The following PTDSS2 variants were observed in gnomAD, a reference collection of about 807,000 sequenced individuals.
PTDSS2 encodes the protein phosphatidylserine synthase 2, also known as PSS-2.
A neutral mutation model predicts 64.7 loss-of-function variants in PTDSS2; 41 were observed. That is an observed-to-expected ratio of 0.63 (90% confidence interval 0.49 to 0.82). The LOEUF (loss-of-function observed/expected upper bound fraction) is 0.82. PTDSS2 is among the 40% of genes least tolerant of loss of function. The pLI, the probability that PTDSS2 is intolerant of heterozygous loss-of-function variation, is 0.00. For synonymous variants in PTDSS2, 297 were observed against 277.8 expected, an observed-to-expected ratio of 1.07 and a Z score of -0.69; for missense variants, 485 against 650.0, an observed-to-expected ratio of 0.75 and a Z score of 2.76.
In PTDSS2 at chr11:476,941, G is replaced by T. The variant is rs1017413572; in HGVS notation, c.368-2144G>T. ...ACGCGTCTTGTTAACTTGGGGGCCG[G>T]CAGGGAGCCCTCAACTCTCTGCAGT... On this transcript the variant is annotated intron_variant, in intron 3 of 11. Coordinates refer to ENST00000308020, the MANE Select transcript of PTDSS2 (RefSeq NM_030783.3). The surrounding 1 kb of genome is among the most constrained non-coding windows in gnomAD (Gnocchi z 4.9). Among the ~76,000 whole-genome samples, 7 of 152,160 alleles carry T rather than the reference G, an allele frequency of 4.6e-5. No homozygotes were observed. The highest frequency in any genetic ancestry group is 2.0e-4 in the Admixed American group (3 of 15,280).
At chr11:449,421 G>C (rs774460498), upstream of PTDSS2, among the ~76,000 whole-genome samples, 12 of 152,204 alleles carry the variant, frequency 7.9e-5, no homozygotes, top group Non-Finnish European at 1.5e-4. Context: ...CGCATGCTTC[G>C]CTCCTCTATG....
chr11:457,645 T>TA (rs1439583108), intron 1 of PTDSS2, among the ~76,000 whole-genome samples: 2 of 152,246 alleles, frequency 1.3e-5, no homozygotes, highest in African/African-American at 4.8e-5. Flanking sequence ...CCTCCACTGA[T>TA]AGAGTTTTGG....
Position 460,421 on chromosome 11 carries a change from C to G in PTDSS2, c.284+133C>G, listed in dbSNP as rs1846823456. The G allele has an allele frequency of 2.9e-6, 2 of 687,674 alleles. No individual in the cohort carries two copies. Among genetic ancestry groups the G allele is most frequent in the South Asian group, 3.5e-5 (2 of 57,926 alleles). The allele number at this position is 687,674 out of a possible 1,614,324, so 42.6% of individuals were successfully genotyped here. A position where few individuals can be genotyped will look rare whatever the true frequency, so the allele number is the denominator to read the frequency against. ...GGGCTGCGTGGGGCCGCCGGCCTCT[C>G]CCTTGAGTGTGTCTGATGTGCAGAC... On this transcript the variant is annotated intron_variant, in intron 2 of 11. Coordinates refer to ENST00000308020, the MANE Select transcript of PTDSS2 (RefSeq NM_030783.3). This position sits in a 1 kb window ranked among gnomAD's most constrained non-coding sequence, Gnocchi z 5.8.
chr11:478,259 T>C (rs972912474), intron 3 of PTDSS2, among the ~76,000 whole-genome samples: 2 of 149,768 alleles, frequency 1.3e-5, no homozygotes, highest in African/African-American at 4.9e-5. Flanking sequence ...TATCCTAGCC[T>C]GGGCAACATG....
chr11:454,073 T>C (rs1846471996), intron 1 of PTDSS2, among the ~76,000 whole-genome samples: 1 of 152,230 alleles, frequency 6.6e-6, no homozygotes, highest in South Asian at 2.1e-4. Flanking sequence ...TGAGCGGCAC[T>C]CTGTCACTTC....
rs146308787 is a variant in PTDSS2, at chr11:460,168, A to G, written c.183-19A>G. ...CTGCCCAAGCTCTGACACCATGCTT[A>G]TGCGTTTTTGGATTTCAGGCGAGCC... On this transcript the variant is annotated intron_variant, in intron 1 of 11. Transcript: ENST00000308020. This position sits in a 1 kb window ranked among gnomAD's most constrained non-coding sequence, Gnocchi z 5.8. 367 of 1,603,648 alleles carry G rather than the reference A, an allele frequency of 2.3e-4. 3 individuals carry two copies. In the East Asian group the frequency reaches 7.2e-3, roughly 32 times the overall value.
chr11:490,442 G>A lies in PTDSS2; in HGVS notation c.1324G>A (p.Glu442Lys), dbSNP rs745973655. 3.7e-6 allele frequency: 6 copies of A among 1,613,260 alleles called. No homozygotes were observed. In the Admixed American group the frequency reaches 1.0e-4, roughly 27 times the overall value. ...FLRDITLRYK[E>K]TRWQKWQNKD... The stretch of plus-strand genomic sequence containing the variant: ...CAGGGACATCACATTGAGGTACAAG[G>A]AGACCCGGTGGCAGAAGTGGCAGAA... Residue 442 changes from glutamate to lysine, a missense_variant, in exon 12 of 12, where the codon GAG becomes AAG. Glu to Lys is a moderately conservative substitution (Grantham distance 56). This residue lies in a region of PTDSS2 where 219 missense variants were observed against 257.3 expected (regional missense o/e 0.85). Coordinates refer to ENST00000308020, the MANE Select transcript of PTDSS2 (RefSeq NM_030783.3).
Position 490,711 on chromosome 11 carries a change from G to C in PTDSS2, c.*129G>C. 1.0e-6 allele frequency: 1 copy of C among 985,486 alleles called. No individual in the cohort carries two copies. The highest frequency in any genetic ancestry group is 1.5e-6 in the Non-Finnish European group (1 of 685,314). 61.0% of individuals were successfully genotyped at this position (985,486 alleles called of 1,614,324 possible). ...TTTTTTGCTTTTCTCCTGTGCACCT[G>C]GCGAGGCTGAAGGCGAGGGGTGGAG... On this transcript the variant is annotated 3_prime_UTR_variant, in exon 12 of 12. Transcript: ENST00000308020.
chr11:449,315 G>A (rs1207303988), upstream of PTDSS2, among the ~76,000 whole-genome samples: 1 of 152,196 alleles, frequency 6.6e-6, no homozygotes, highest in African/African-American at 2.4e-5. Context: ...TCATCCGCCC[G>A]CCTTGGCCTC....
intron 1 of PTDSS2, among the ~76,000 whole-genome samples, chr11:453,231 C>T (rs1423260411): frequency 2.6e-5 from 4 of 152,182 alleles, no homozygotes; most frequent in Admixed American, 2.6e-4. Flanking sequence ...TTATGGGGAA[C>T]ATCCAGAGGA....
chr11:472,645 G>C (rs1017187748), intron 2 of PTDSS2, among the ~76,000 whole-genome samples: 1 of 152,182 alleles, frequency 6.6e-6, no homozygotes, highest in Non-Finnish European at 1.5e-5. Context: ...TGCAAGCCTC[G>C]GGCGGTGCTT....
chr11:490,771 C>CGTGTGTACGTGTGTATGTGT lies in PTDSS2; in HGVS notation c.*206_*207insTGTGTGTGTACGTGTGTATG. The CGTGTGTACGTGTGTATGTGT allele has an allele frequency of 1.7e-6, 1 of 597,010 alleles. No homozygotes were observed. The highest frequency in any genetic ancestry group is 2.9e-6 in the Non-Finnish European group (1 of 341,058). The allele number at this position is 597,010 out of a possible 1,614,324, so 37.0% of individuals were successfully genotyped here. ...GCACAGCCTCATCTCCATGTGTACA[C>CGTGTGTACGTGTGTATGTGT]GTGTGTACGTGTGTATGCGTGTGTG... On this transcript the variant is annotated 3_prime_UTR_variant, in exon 12 of 12. Transcript: ENST00000308020.
In PTDSS2 at chr11:462,657, CTCATGGCCTGGACCCGCA is replaced by C. The variant is rs1846944647; in HGVS notation, c.284+2370_284+2387del. Reference sequence around the variant, plus strand: ...GTGGTGCACCTGTCCTGAGTCCATTCTCATGGCCTGGACCCGCACTGCTGCACACCAGAAGCCCAGCTC... The same window carrying C: ...GTGGTGCACCTGTCCTGAGTCCATTCCTGCTGCACACCAGAAGCCCAGCTC... On this transcript the variant is annotated intron_variant, in intron 2 of 11. Coordinates refer to ENST00000308020, the MANE Select transcript of PTDSS2 (RefSeq NM_030783.3). This position sits in a 1 kb window ranked among gnomAD's most constrained non-coding sequence, Gnocchi z 4.5. Among the ~76,000 whole-genome samples the C allele has an allele frequency of 2.0e-5, 3 of 152,174 alleles. No individual in the cohort carries two copies. Among genetic ancestry groups the C allele is most frequent in the Non-Finnish European group, 4.4e-5 (3 of 68,032 alleles).
chr11:489,738 G>A lies in PTDSS2; in HGVS notation c.1115+5G>A, dbSNP rs545868275. 3.7e-6 allele frequency: 6 copies of A among 1,607,840 alleles called. No homozygotes were observed. The highest frequency in any genetic ancestry group is 8.5e-7 in the Non-Finnish European group (1 of 1,177,386). On this transcript the variant is annotated splice_donor_5th_base_variant and intron_variant, in intron 10 of 11. Coordinates refer to ENST00000308020, the MANE Select transcript of PTDSS2 (RefSeq NM_030783.3). ...CTACGACTTCATGGATGACCCGTGAGGGCTGCGGCAGTCCGGGTGGAGACA... is the reference window on the plus strand; with the variant it reads ...CTACGACTTCATGGATGACCCGTGAAGGCTGCGGCAGTCCGGGTGGAGACA...
chr11:474,660 C>T (rs962198230), intron 3 of PTDSS2, among the ~76,000 whole-genome samples: 1 of 152,228 alleles, frequency 6.6e-6, no homozygotes, highest in South Asian at 2.1e-4. Context: ...CCCAGGAAGG[C>T]GGGCTCAGGC....
In PTDSS2 at chr11:479,651, G is replaced by A. The variant is rs1003714335; in HGVS notation, c.435+499G>A. 5.3e-5 allele frequency among the ~76,000 whole-genome samples: 8 copies of A among 152,326 alleles called. No individual in the cohort carries two copies. The highest frequency in any genetic ancestry group is 1.9e-4 in the African/African-American group (8 of 41,580). ...AGGGGACCCCAGCGCCAAGAGGGAC[G>A]GGGTCTTTGTTTTTGTGTTTTGTGG... On this transcript the variant is annotated intron_variant, in intron 4 of 11. Transcript: ENST00000308020. The surrounding 1 kb of genome is among the most constrained non-coding windows in gnomAD (Gnocchi z 4.2).
chr11:477,863 T>C (rs1210712715), intron 3 of PTDSS2, among the ~76,000 whole-genome samples: 1 of 152,248 alleles, frequency 6.6e-6, no homozygotes, highest in Admixed American at 6.5e-5. Flanking sequence ...TCCCAAGGCG[T>C]GAGGAAGAAG....
chr11:485,076 CGT>C (rs1376417997), intron 4 of PTDSS2, among the ~76,000 whole-genome samples: 1 of 74,208 alleles, frequency 1.3e-5, no homozygotes, highest in Admixed American at 1.4e-4. Flanking sequence ...TGCACGGGCA[CGT>C]GTGCTTACTG....
chr11:488,603 G>A lies in PTDSS2; in HGVS notation c.810G>A (p.Leu270=), dbSNP rs961635723. 6 of 1,613,278 alleles carry A rather than the reference G, an allele frequency of 3.7e-6. No homozygotes were observed. The highest frequency in any genetic ancestry group is 3.3e-4 in the Middle Eastern group (2 of 6,084). The part of the protein sequence containing the change: ...CGMKTLEWLS[L]KTYKWQGLWN... ...TGAAGACCCTTGAGTGGCTGTCCCT[G>A]AAGACGTACAAGTGGCAGGGCCTCT... The change falls in exon 8 of 12, where the codon CTG becomes CTA. Residue 270 remains leucine (L), a synonymous_variant. Transcript: ENST00000308020.
Sources: allele counts gnomAD v4.1 joint callset (sites outside exome capture counted in the v4.1 genomes callset), GRCh38; gene constraint gnomAD v4.1.1; regional missense constraint gnomAD v4.1.1; non-coding constraint Gnocchi (gnomAD v3.1); transcripts MANE v1.5; gene names NCBI Gene and HGNC (gene_info 2026-07-23, HGNC 2026-07-21).